ARHGAP24: variants seen among roughly 807,000 people sequenced by gnomAD.
The protein encoded by ARHGAP24 is rho GTPase-activating protein 24.
A neutral mutation model predicts 76.4 loss-of-function variants in ARHGAP24; 50 were observed. The observed-to-expected ratio is 0.65, with a 90% CI of 0.52 to 0.83. The LOEUF (loss-of-function observed/expected upper bound fraction) is 0.83. Among genes scored for constraint, ARHGAP24 ranks in the 40% least tolerant of loss-of-function variants. The pLI is 0.00. For missense variants in ARHGAP24, 930 were observed against 914.2 expected, an observed-to-expected ratio of 1.02 and a Z score of -0.22; for synonymous variants, 345 against 323.3, an observed-to-expected ratio of 1.07 and a Z score of -0.72.
chr4:85,575,503 G>A (rs556089255), intron 2 of ARHGAP24, among the ~76,000 whole-genome samples: 1 of 152,192 alleles, frequency 6.6e-6, no homozygotes, highest in African/African-American at 2.4e-5. Flanking sequence ...TTCCTCCTAC[G>A]CCGCACACCC....
rs185537109 is a variant in ARHGAP24, at chr4:85,778,370, T to C, written c.268+56398T>C. On this transcript the variant is annotated intron_variant, in intron 3 of 9. Transcript: ENST00000395184. ...AATTCCTTTGCTTATTATGCAAGGA[T>C]ATAGAGGAAAAGGCAAACTATTTCC... 6.6e-5 allele frequency among the ~76,000 whole-genome samples: 10 copies of C among 152,318 alleles called. No individual in the cohort carries two copies. In the East Asian group the frequency reaches 1.9e-3, roughly 29 times the overall value.
chr4:85,581,315 T>C (rs998867423), intron 2 of ARHGAP24, among the ~76,000 whole-genome samples: 2 of 152,306 alleles, frequency 1.3e-5, no homozygotes, highest in South Asian at 2.1e-4. Flanking sequence ...GAATCAATTC[T>C]ATTTATTAGC....
chr4:85,594,907 A>G (rs1025198338), intron 2 of ARHGAP24, among the ~76,000 whole-genome samples: 1 of 152,076 alleles, frequency 6.6e-6, no homozygotes, highest in Non-Finnish European at 1.5e-5. Flanking sequence ...TAGGGAAGTA[A>G]TGTAGTCTAT....
chr4:85,948,740 C>A (rs1419121006), intron 5 of ARHGAP24, among the ~76,000 whole-genome samples: 1 of 152,156 alleles, frequency 6.6e-6, no homozygotes, highest in African/African-American at 2.4e-5. Flanking sequence ...CTGTGAGGTG[C>A]TGGGTCTTTC....
intron 5 of ARHGAP24, among the ~76,000 whole-genome samples, chr4:85,947,831 A>G (rs1285308853): frequency 6.6e-6 from 1 of 152,232 alleles, no homozygotes; most frequent in East Asian, 1.9e-4. Flanking sequence ...GCATTCATAT[A>G]AGAAAATATT....
chr4:85,801,009 A>G (rs1428796749), intron 3 of ARHGAP24, among the ~76,000 whole-genome samples: 1 of 152,236 alleles, frequency 6.6e-6, no homozygotes, highest in Non-Finnish European at 1.5e-5. Context: ...ATACATAAAA[A>G]CACAAAGCTT....
chr4:86,000,494 C>G lies in ARHGAP24; in HGVS notation c.2019C>G (p.Asn673Lys). 1 of 1,357,948 alleles carries G rather than the reference C, an allele frequency of 7.4e-7. No individual in the cohort carries two copies. Among genetic ancestry groups the G allele is most frequent in the South Asian group, 1.1e-5 (1 of 87,082 alleles). The allele number at this position is 1,357,948 out of a possible 1,614,324, so 84.1% of individuals were successfully genotyped here. A position where few individuals can be genotyped will look rare whatever the true frequency, so the allele number is the denominator to read the frequency against. ...ESRIKSLEQR[N>K]LTLETEMMSL... The stretch of plus-strand genomic sequence containing the variant: ...TCCTTTGTAGCTTAGAACAGCGAAA[C>G]TTGACTTTGGAAACAGAAATGATGA... The change falls in exon 10 of 10, where the codon AAC (asparagine) becomes AAG (lysine). Residue 673 changes from asparagine (N) to lysine (K), a missense_variant. Coordinates refer to ENST00000395184, the MANE Select transcript of ARHGAP24 (RefSeq NM_001025616.3).
At chr4:85,605,089 T>C (rs1720147953) in intron 2 of ARHGAP24, among the ~76,000 whole-genome samples, 2 of 152,222 alleles carry the variant, frequency 1.3e-5, no homozygotes, top group Admixed American at 6.5e-5. Context: ...AGAGAGAATG[T>C]ATTCACTCTA....
At position 85,776,801 on chromosome 4, in the gene ARHGAP24, A is replaced by G. The variant is rs185702308; in HGVS notation, c.268+54829A>G. 3.5e-4 allele frequency among the ~76,000 whole-genome samples: 53 copies of G among 152,142 alleles called. No homozygotes were observed. The East Asian group carries it at 9.7e-3, about 28-fold the overall frequency. On this transcript the variant is annotated intron_variant, in intron 3 of 9. Transcript: ENST00000395184. ...CTTGACTCATTCCATGTAAAACTCT[A>G]TGTCTCCTCAAGGCCTATTACCTTA...
At chr4:85,538,934 C>T (rs1055014225) in intron 1 of ARHGAP24, among the ~76,000 whole-genome samples, 5 of 152,124 alleles carry the variant, frequency 3.3e-5, no homozygotes, top group African/African-American at 4.8e-5. Flanking sequence ...TTACTAATGA[C>T]ATTTGGGTCC....
chr4:85,928,308 C>T (rs1454179607), intron 4 of ARHGAP24, among the ~76,000 whole-genome samples: 1 of 151,924 alleles, frequency 6.6e-6, no homozygotes, highest in African/African-American at 2.4e-5. Context: ...TTCCTTCCTC[C>T]CTCCTCCTTC....
chr4:85,624,434 G>A (rs1310730500), intron 2 of ARHGAP24, among the ~76,000 whole-genome samples: 2 of 152,180 alleles, frequency 1.3e-5, no homozygotes, highest in Non-Finnish European at 2.9e-5. Flanking sequence ...CAGGGATGAA[G>A]CCCACTTGAT....
At chr4:85,874,802 TAAA>T (rs567765483) in intron 3 of ARHGAP24, among the ~76,000 whole-genome samples, 1 of 11,252 alleles carries the variant, frequency 8.9e-5, no homozygotes, top group African/African-American at 1.9e-4. Context: ...AATTTATATA[TAAA>T]ATATATTTAT....
chr4:85,850,713 A>T (rs144485542), intron 3 of ARHGAP24, among the ~76,000 whole-genome samples: 115 of 152,342 alleles, frequency 7.5e-4, no homozygotes, highest in Admixed American at 1.8e-3. Context: ...CATACCCAGT[A>T]GTCATTCATG....
At chr4:85,997,123 G>A (rs1177135067) in intron 9 of ARHGAP24, among the ~76,000 whole-genome samples, 2 of 152,122 alleles carry the variant, frequency 1.3e-5, no homozygotes, top group Admixed American at 6.5e-5. Context: ...GAGGGTGGGG[G>A]ACCGCTCGTG....
chr4:85,837,979 T>A (rs950820029), intron 3 of ARHGAP24, among the ~76,000 whole-genome samples: 6 of 152,238 alleles, frequency 3.9e-5, no homozygotes, highest in African/African-American at 1.4e-4. Context: ...ACTCCCAGCA[T>A]CATTTGACTG....
At chr4:85,701,856 G>T (rs1043594894) in intron 2 of ARHGAP24, among the ~76,000 whole-genome samples, 2 of 152,080 alleles carry the variant, frequency 1.3e-5, no homozygotes, top group Non-Finnish European at 2.9e-5. Context: ...GAAACATATG[G>T]TAAATGGATT....
chr4:85,592,256 A>G (rs1210382616), intron 2 of ARHGAP24, among the ~76,000 whole-genome samples: 1 of 152,236 alleles, frequency 6.6e-6, no homozygotes, highest in East Asian at 1.9e-4. Flanking sequence ...TCTGATGATC[A>G]ATGATGTTGA....
intron 3 of ARHGAP24, among the ~76,000 whole-genome samples, chr4:85,911,283 C>T (rs1218819073): frequency 1.3e-5 from 2 of 152,206 alleles, no homozygotes; most frequent in Non-Finnish European, 2.9e-5. Flanking sequence ...TTGTCCCTGG[C>T]TCCTGCCGGC....
Sources: gnomAD v4.1 joint callset for allele counts (sites outside exome capture counted in the v4.1 genomes callset) on GRCh38, gnomAD v4.1.1 for gene constraint, MANE v1.5 for transcripts, NCBI Gene and HGNC (gene_info 2026-07-23, HGNC 2026-07-21) for gene names.